Variants in DOP1A observed in about 807,000 individuals in gnomAD.
The protein encoded by DOP1A is protein DOP1A.
In DOP1A, 90 loss-of-function variants were observed where a neutral mutation model predicts 267.6. That is an observed-to-expected ratio of 0.34 (90% CI 0.28 to 0.40). The LOEUF is 0.40. DOP1A is among the 10% of genes least tolerant of loss of function. The pLI is 1.00. For synonymous variants in DOP1A, 932 were observed against 999.1 expected (o/e 0.93, Z 1.27); for missense variants, 2,437 against 2,900.4 (o/e 0.84, Z 3.67).
intron 34 of DOP1A, among the ~76,000 whole-genome samples, chr6:83,156,360 T>G (rs1186223845): frequency 1.3e-5 from 2 of 152,200 alleles, no homozygotes; most frequent in African/African-American, 4.8e-5. Flanking sequence ...TGTTTGAGGA[T>G]GAGGTATAAG....
At chr6:83,165,431 G>A (rs1785236008) in intron 38 of DOP1A, 1 of 152,528 alleles carries the variant, frequency 6.6e-6, no homozygotes, top group African/African-American at 2.4e-5. Context: ...TTTTAGTTTG[G>A]TGCAAAAGTA....
At chr6:83,164,788 G>A in intron 38 of DOP1A, 1 of 1,310,158 alleles carries the variant, frequency 7.6e-7, no homozygotes, top group South Asian at 1.4e-5. Flanking sequence ...ACAAACCCAG[G>A]TCTGAATGTC....
intron 27 of DOP1A, 28 bp from the exon 28 acceptor site, chr6:83,151,565 G>A (rs755433259): frequency 2.6e-5 from 41 of 1,565,708 alleles, no homozygotes; most frequent in Non-Finnish European, 3.0e-5. Context: ...GATATTTCCC[G>A]TTTCTGTTTT....
downstream of DOP1A, chr6:83,168,725 CCT>C: frequency 4.0e-6 from 4 of 997,142 alleles, no homozygotes; most frequent in Non-Finnish European, 4.8e-6. Flanking sequence ...CCTATTCATA[CCT>C]CTGAGTTCCT....
intron 34 of DOP1A, among the ~76,000 whole-genome samples, 165 bp from the exon 35 acceptor site, chr6:83,157,012 TAATTG>T (rs1237041806): frequency 6.6e-6 from 1 of 152,248 alleles, no homozygotes; most frequent in African/African-American, 2.4e-5. Context: ...TATCTTTGTT[TAATTG>T]GAGTTCTCTT....
At chr6:83,099,057 G>C (rs1202262971) in intron 3 of DOP1A, among the ~76,000 whole-genome samples, 1 of 152,012 alleles carries the variant, frequency 6.6e-6, no homozygotes, top group African/African-American at 2.4e-5. Flanking sequence ...AAGGAGATGA[G>C]AAGAGGGCAG....
chr6:83,171,293 T>A (rs1583250696), downstream of DOP1A: 1 of 152,284 alleles, frequency 6.6e-6, no homozygotes. Flanking sequence ...CATTTATATC[T>A]ATTTTTAATT....
At chr6:83,130,639 A>C (rs1352808977) in intron 17 of DOP1A, among the ~76,000 whole-genome samples, 1 of 152,184 alleles carries the variant, frequency 6.6e-6, no homozygotes, top group Admixed American at 6.5e-5. Context: ...ATTAGGATAA[A>C]GAAAGAGAAG....
intron 3 of DOP1A, among the ~76,000 whole-genome samples, chr6:83,099,137 G>A (rs1418330954): frequency 6.6e-6 from 1 of 152,058 alleles, no homozygotes; most frequent in Non-Finnish European, 1.5e-5. Flanking sequence ...TTATAATAAG[G>A]GCTGTGGGAG....
intron 25 of DOP1A, 93 bp downstream of exon 25, chr6:83,145,751 A>G (rs1780547020): frequency 8.0e-7 from 1 of 1,242,244 alleles, no homozygotes; most frequent in South Asian, 1.5e-5. Flanking sequence ...TCCTTTCAAT[A>G]TAGTACAGAT....
At position 83,162,786 on chromosome 6, in the gene DOP1A, A is replaced by C. The variant is rs1784541786; in HGVS notation, c.6963-4A>C. 2 of 1,610,744 alleles carry C rather than the reference A, an allele frequency of 1.2e-6. No homozygotes were observed. The highest frequency in any genetic ancestry group is 1.3e-5 in the African/African-American group (1 of 74,888). Reference sequence around the variant, plus strand: ...TGATGCTGATGTCATTATTCTATACATAGGTACCGATGGGCCTTTATTCCA... The same window carrying C: ...TGATGCTGATGTCATTATTCTATACCTAGGTACCGATGGGCCTTTATTCCA... On this transcript the variant is annotated splice_region_variant and splice_polypyrimidine_tract_variant and intron_variant, in intron 37 of 38. Transcript: ENST00000349129.
At chr6:83,084,260 C>T (rs1049638129) in intron 1 of DOP1A, among the ~76,000 whole-genome samples, 1 of 152,108 alleles carries the variant, frequency 6.6e-6, no homozygotes, top group Non-Finnish European at 1.5e-5. Context: ...GTTACAGTTA[C>T]CTACAGTATT....
chr6:83,072,896 T>C (rs1785853876), intron 1 of DOP1A: 2 of 240,868 alleles, frequency 8.3e-6, no homozygotes, highest in South Asian at 9.1e-5. Context: ...GCACAGTGGC[T>C]TTTCCATACA....
At chr6:83,145,747 C>A in intron 25 of DOP1A, 89 bp downstream of exon 25, 2 of 1,266,644 alleles carry the variant, frequency 1.6e-6, no homozygotes, top group Non-Finnish European at 2.2e-6. Context: ...AATGTCCTTT[C>A]AATATAGTAC....
intron 1 of DOP1A, among the ~76,000 whole-genome samples, chr6:83,072,066 G>C (rs893812447): frequency 1.3e-5 from 2 of 151,870 alleles, no homozygotes. Flanking sequence ...TAATCCTGCC[G>C]AAGACATTTC....
At position 83,113,425 on chromosome 6, in the gene DOP1A, A is replaced by G; in HGVS notation, c.780+4A>G. 1 of 1,611,098 alleles carries G rather than the reference A, an allele frequency of 6.2e-7. No individual in the cohort carries two copies. The highest frequency in any genetic ancestry group is 8.5e-7 in the Non-Finnish European group (1 of 1,177,416). ...TTTTCCATTCCACATGAGTCAGGTA[A>G]AATATTAACGCCGATGTTATTATAA... On this transcript the variant is annotated splice_donor_region_variant and intron_variant, in intron 7 of 38. Transcript: ENST00000349129.
In DOP1A at chr6:83,137,708, G is replaced by C; in HGVS notation, c.3666G>C (p.Glu1222Asp). The C allele has an allele frequency of 6.2e-7, 1 of 1,613,572 alleles. No individual in the cohort carries two copies. ...CTCAGTTTCTGTCTGTGTCTGCAGA[G>C]GGAGGCCATGAGTGTGTGGCAAATG... Reference protein sequence around the residue: ...ESSQFLSVSAEGGHECVANGI... With the variant: ...ESSQFLSVSADGGHECVANGI... The change falls in exon 21 of 39, where the codon GAG becomes GAC. Residue 1222 changes from glutamate to aspartate, a missense_variant. Around this residue, in one of 9 missense-constraint regions of DOP1A, gnomAD observed 878 missense variants for 992.9 expected, o/e 0.88. Coordinates refer to ENST00000349129, the MANE Select transcript of DOP1A (RefSeq NM_015018.4).
chr6:83,138,403 A>G lies in DOP1A; in HGVS notation c.4361A>G (p.Glu1454Gly). 1 of 1,611,222 alleles carries G rather than the reference A, an allele frequency of 6.2e-7. No homozygotes were observed. The change falls in exon 21 of 39, where the codon GAA becomes GGA. Residue 1454 changes from glutamate (E) to glycine (G), a missense_variant. By Grantham distance (98) the Glu-to-Gly change is moderately conservative. Coordinates refer to ENST00000349129, the MANE Select transcript of DOP1A (RefSeq NM_015018.4). ...NHNFRSSMYIEILISLCLYYM... is the reference protein window; with the variant it reads ...NHNFRSSMYIGILISLCLYYM... ...AACTTCCGGAGTTCTATGTACATAG[A>G]AATTCTTATTTCTCTCTGCTTATAT... is the stretch of plus-strand genomic sequence containing the variant.
chr6:83,115,498 G>A (rs1488548861), intron 7 of DOP1A, among the ~76,000 whole-genome samples: 11 of 152,042 alleles, frequency 7.2e-5, no homozygotes, highest in African/African-American at 1.2e-4. Context: ...CGAGGCAAGC[G>A]GATTACGAGG....
Sources: gnomAD v4.1 joint callset for allele counts (sites outside exome capture counted in the v4.1 genomes callset) on GRCh38, gnomAD v4.1.1 for gene constraint, gnomAD v4.1.1 regional missense constraint, MANE v1.5 for transcripts, NCBI Gene and HGNC (gene_info 2026-07-23, HGNC 2026-07-21) for gene names.